Variants in RALYL observed in about 807,000 individuals in gnomAD.
The protein encoded by RALYL is RALY RNA binding protein like.
RALYL carries 29 observed loss-of-function variants against 35.1 expected under a neutral mutation model. That is an observed-to-expected ratio of 0.83 (90% CI 0.61 to 1.13). The LOEUF is 1.13. RALYL is among the 50% of genes most tolerant of loss of function. RALYL has a pLI of 0.00. For synonymous variants in RALYL, 120 were observed against 127.6 expected (o/e 0.94, Z 0.40); for missense variants, 359 against 360.4 (o/e 1.00, Z 0.03).
At chr8:84,523,963 CT>C (rs2058681401) in intron 1 of RALYL, among the ~76,000 whole-genome samples, 1 of 151,978 alleles carries the variant, frequency 6.6e-6, no homozygotes, top group African/African-American at 2.4e-5. Flanking sequence ...GTGAATAATG[CT>C]GCAATAAACA....
intron 2 of RALYL, among the ~76,000 whole-genome samples, chr8:84,587,140 T>G (rs1812201812): frequency 6.6e-6 from 1 of 152,220 alleles, no homozygotes; most frequent in Non-Finnish European, 1.5e-5. Flanking sequence ...AGTGGACCTT[T>G]TCTTGACACA....
At chr8:84,783,552 G>T (rs1818692776) in intron 3 of RALYL, among the ~76,000 whole-genome samples, 1 of 152,056 alleles carries the variant, frequency 6.6e-6, no homozygotes, top group Non-Finnish European at 1.5e-5. Flanking sequence ...TTTATGTTAG[G>T]TAATTGACTT....
chr8:84,405,640 C>A (rs935399454), intron 1 of RALYL, among the ~76,000 whole-genome samples: 1 of 151,836 alleles, frequency 6.6e-6, no homozygotes, highest in Non-Finnish European at 1.5e-5. Flanking sequence ...ACACATATAC[C>A]CTCTCAAGAG....
intron 1 of RALYL, among the ~76,000 whole-genome samples, chr8:84,411,874 C>T (rs985874972): frequency 3.3e-5 from 5 of 151,946 alleles, no homozygotes; most frequent in African/African-American, 1.2e-4. Context: ...GCTTAAATGT[C>T]ACCTTTGCCA....
chr8:84,727,248 A>T (rs904642831), intron 2 of RALYL, among the ~76,000 whole-genome samples: 2 of 152,194 alleles, frequency 1.3e-5, no homozygotes, highest in East Asian at 3.9e-4. Flanking sequence ...GATGTATGAG[A>T]CATGATTCTG....
chr8:84,721,677 T>A (rs1442037605), intron 2 of RALYL, among the ~76,000 whole-genome samples: 2 of 151,906 alleles, frequency 1.3e-5, no homozygotes, highest in Admixed American at 1.3e-4. Context: ...TCAGTGAATA[T>A]TTTTTTTAAC....
Position 84,921,029 on chromosome 8 carries a change from C to T in RALYL, c.*118C>T. ...CTTTGGTTCAATTTATATAAAAACC[C>T]AAATAAATAAAATGGACAGTATTGC... On this transcript the variant is annotated 3_prime_UTR_variant, in exon 9 of 9. Coordinates refer to ENST00000521268, the MANE Select transcript of RALYL (RefSeq NM_173848.7). 2 of 539,226 alleles carry T rather than the reference C, an allele frequency of 3.7e-6. No individual in the cohort carries two copies. Among genetic ancestry groups the T allele is most frequent in the Admixed American group, 8.1e-5 (2 of 24,630 alleles). 33.4% of individuals were successfully genotyped at this position (539,226 alleles called of 1,614,324 possible).
chr8:84,433,065 C>A (rs1389580041), intron 1 of RALYL, among the ~76,000 whole-genome samples: 2 of 151,994 alleles, frequency 1.3e-5, no homozygotes, highest in East Asian at 3.9e-4. Context: ...AGCGATTGTT[C>A]CTATTTTATA....
At chr8:84,778,774 G>A (rs1045875080) in intron 3 of RALYL, among the ~76,000 whole-genome samples, 1 of 152,132 alleles carries the variant, frequency 6.6e-6, no homozygotes, top group African/African-American at 2.4e-5. Flanking sequence ...ACTTAAACAT[G>A]GTGACTGATC....
At chr8:84,491,137 C>T (rs2055249459) in intron 1 of RALYL, among the ~76,000 whole-genome samples, 1 of 151,834 alleles carries the variant, frequency 6.6e-6, no homozygotes, top group South Asian at 2.1e-4. Flanking sequence ...ATAGAAAATA[C>T]AAATACTTTT....
At chr8:84,456,119 G>A (rs1397798477) in intron 1 of RALYL, among the ~76,000 whole-genome samples, 2 of 152,018 alleles carry the variant, frequency 1.3e-5, no homozygotes, top group Non-Finnish European at 2.9e-5. Flanking sequence ...GTGAGGAAGA[G>A]AGACCAATGG....
At chr8:84,566,346 A>C (rs888778346) in intron 2 of RALYL, among the ~76,000 whole-genome samples, 1 of 151,608 alleles carries the variant, frequency 6.6e-6, no homozygotes, top group Non-Finnish European at 1.5e-5. Flanking sequence ...AGACTATGAA[A>C]AATAAACAAT....
Position 84,839,254 on chromosome 8 carries a change from C to T in RALYL, c.366-10726C>T, listed in dbSNP as rs182512677. Among the ~76,000 whole-genome samples the T allele has an allele frequency of 2.7e-3, 410 of 152,318 alleles. 1 individual carries two copies. Among genetic ancestry groups the T allele is most frequent in the African/African-American group, 9.6e-3 (399 of 41,568 alleles). On this transcript the variant is annotated intron_variant, in intron 4 of 8. Transcript: ENST00000521268. ...GGGTGACAGACGGCACCTGGAAAAT[C>T]GGGTCACTCCCACCCTAATACTGCG...
intron 5 of RALYL, among the ~76,000 whole-genome samples, chr8:84,860,180 T>C (rs1452033411): frequency 6.6e-6 from 1 of 152,238 alleles, no homozygotes; most frequent in East Asian, 1.9e-4. Context: ...GCAGTGAATA[T>C]AGTGAACTTT....
intron 2 of RALYL, among the ~76,000 whole-genome samples, chr8:84,687,712 G>A (rs1837114111): frequency 6.6e-6 from 1 of 152,056 alleles, no homozygotes; most frequent in African/African-American, 2.4e-5. Flanking sequence ...GTACTCTACA[G>A]AAGTTTTCTA....
chr8:84,664,570 T>C (rs1831598124), intron 2 of RALYL, among the ~76,000 whole-genome samples: 2 of 152,034 alleles, frequency 1.3e-5, no homozygotes, highest in African/African-American at 4.8e-5. Context: ...TTCCTAGGTA[T>C]TTTATTATTT....
intron 2 of RALYL, among the ~76,000 whole-genome samples, chr8:84,569,002 G>A (rs1188793191): frequency 1.6e-4 from 23 of 148,294 alleles, no homozygotes; most frequent in African/African-American, 5.5e-4. Context: ...TAGGTTGCCT[G>A]TTCACTCTGA....
At chr8:84,317,061 A>G (rs1414951269) in intron 1 of RALYL, among the ~76,000 whole-genome samples, 1 of 151,312 alleles carries the variant, frequency 6.6e-6, no homozygotes, top group African/African-American at 2.4e-5. Context: ...TACTCAACAT[A>G]ATGATCCCAT....
intron 1 of RALYL, among the ~76,000 whole-genome samples, chr8:84,428,257 CA>C (rs1490193362): frequency 6.6e-6 from 1 of 151,934 alleles, no homozygotes; most frequent in Non-Finnish European, 1.5e-5. Context: ...GTTTGTTTCC[CA>C]AAGCTAATGT....
Sources: allele counts gnomAD v4.1 joint callset (sites outside exome capture counted in the v4.1 genomes callset), GRCh38; gene constraint gnomAD v4.1.1; transcripts MANE v1.5; gene names NCBI Gene and HGNC (gene_info 2026-07-23, HGNC 2026-07-21).